FOXP2: variants seen among roughly 807,000 people sequenced by gnomAD.
The protein encoded by FOXP2 is forkhead box protein P2.
Under a neutral mutation model 115.8 loss-of-function variants are expected in FOXP2, and 12 were observed. The observed-to-expected ratio is 0.10, with a 90% CI of 0.07 to 0.17. The LOEUF is 0.17. Ranked by LOEUF, FOXP2 falls within the 10% of genes least tolerant of loss-of-function variation. The pLI, the probability that FOXP2 is intolerant of heterozygous loss-of-function variation, is 1.00. For synonymous variants in FOXP2, 328 were observed against 297.7 expected (o/e 1.10, Z -1.05); for missense variants, 629 against 843.5 (o/e 0.75, Z 3.15).
chr7:114,390,608 C>T (rs1372109220), intron 2 of FOXP2, among the ~76,000 whole-genome samples: 1 of 152,026 alleles, frequency 6.6e-6, no homozygotes, highest in Non-Finnish European at 1.5e-5. Context: ...TGCTGGAATG[C>T]AGTGGCATGA....
At chr7:114,413,450 G>T (rs1255771281), upstream of FOXP2, among the ~76,000 whole-genome samples, 1 of 151,972 alleles carries the variant, frequency 6.6e-6, no homozygotes, top group Non-Finnish European at 1.5e-5. Flanking sequence ...CCTATTGCAT[G>T]AGTTTCCTGT....
chr7:114,571,148 A>G (rs890663865), intron 3 of FOXP2, among the ~76,000 whole-genome samples: 11 of 151,926 alleles, frequency 7.2e-5, no homozygotes, highest in African/African-American at 2.7e-4. Context: ...TAACACCACT[A>G]TACTTTTCTT....
chr7:114,495,668 G>T (rs901127452), intron 2 of FOXP2, among the ~76,000 whole-genome samples: 1 of 151,234 alleles, frequency 6.6e-6, no homozygotes, highest in East Asian at 1.9e-4. Context: ...ACCATGCTCC[G>T]CTATTTTTTT....
chr7:114,170,744 G>C (rs79639168), intron 1 of FOXP2, among the ~76,000 whole-genome samples: 4,173 of 152,290 alleles, frequency 0.027, 111 homozygotes, highest in African/African-American at 0.073. Flanking sequence ...GCTGAGAGAG[G>C]TGAGGAAGAT....
intron 1 of FOXP2, among the ~76,000 whole-genome samples, chr7:114,245,957 G>C (rs920747771): frequency 6.6e-6 from 1 of 152,062 alleles, no homozygotes; most frequent in African/African-American, 2.4e-5. Flanking sequence ...GAGCTATATA[G>C]AAATAGGATA....
At chr7:114,514,704 T>C (rs533529354) in intron 2 of FOXP2, among the ~76,000 whole-genome samples, 1 of 151,492 alleles carries the variant, frequency 6.6e-6, no homozygotes, top group South Asian at 2.1e-4. Context: ...TTTATTTATT[T>C]TTTATATTTT....
At chr7:114,506,053 T>C (rs1303578796) in intron 2 of FOXP2, among the ~76,000 whole-genome samples, 3 of 151,674 alleles carry the variant, frequency 2.0e-5, no homozygotes, top group Admixed American at 6.6e-5. Context: ...AAAAAAAAGC[T>C]AATACCAGTC....
chr7:114,317,629 T>G (rs1227508527), intron 2 of FOXP2, among the ~76,000 whole-genome samples: 2 of 152,192 alleles, frequency 1.3e-5, no homozygotes, highest in Non-Finnish European at 2.9e-5. Context: ...CAGTCTGTTT[T>G]TGTTCAGCAC....
At chr7:114,458,109 CTTTA>C (rs1163814462) in intron 2 of FOXP2, among the ~76,000 whole-genome samples, 4 of 152,154 alleles carry the variant, frequency 2.6e-5, no homozygotes, top group Admixed American at 2.0e-4. Context: ...TCTTTCCAAG[CTTTA>C]TTTAAGTGGC....
intron 2 of FOXP2, among the ~76,000 whole-genome samples, chr7:114,405,695 T>TA (rs1793019538): frequency 6.6e-6 from 1 of 151,874 alleles, no homozygotes; most frequent in South Asian, 2.1e-4. Flanking sequence ...TGTTAAGTGA[T>TA]ATACATGGTT....
chr7:114,349,554 T>C (rs968110616), intron 2 of FOXP2, among the ~76,000 whole-genome samples: 5 of 152,116 alleles, frequency 3.3e-5, no homozygotes, highest in African/African-American at 1.2e-4. Context: ...TTGTATGATA[T>C]TTAAAATATC....
intron 2 of FOXP2, among the ~76,000 whole-genome samples, chr7:114,313,750 A>C (rs1215397898): frequency 6.6e-6 from 1 of 150,796 alleles, no homozygotes; most frequent in African/African-American, 2.4e-5. Context: ...GTCTCAAAAA[A>C]AAAAAAAAAA....
chr7:114,134,498 G>T (rs10247794), intron 1 of FOXP2, among the ~76,000 whole-genome samples: 1 of 151,890 alleles, frequency 6.6e-6, no homozygotes, highest in East Asian at 1.9e-4. Context: ...CGGATCACGA[G>T]GTCAGGAGAT....
At chr7:114,541,327 T>G (rs1799650394) in intron 3 of FOXP2, among the ~76,000 whole-genome samples, 1 of 152,008 alleles carries the variant, frequency 6.6e-6, no homozygotes, top group Non-Finnish European at 1.5e-5. Flanking sequence ...AACATTCACA[T>G]TTTTTTAGAG....
intron 2 of FOXP2, among the ~76,000 whole-genome samples, chr7:114,407,484 G>A (rs1308965008): frequency 6.6e-6 from 1 of 152,012 alleles, no homozygotes; most frequent in Non-Finnish European, 1.5e-5. Context: ...GACTTTTTAA[G>A]TTGTTTACCT....
At chr7:114,501,313 ATTATT>A in intron 2 of FOXP2, among the ~76,000 whole-genome samples, 1 of 152,062 alleles carries the variant, frequency 6.6e-6, no homozygotes, top group East Asian at 1.9e-4. Flanking sequence ...GTTCAATTTT[ATTATT>A]TTTGATACAT....
intron 2 of FOXP2, among the ~76,000 whole-genome samples, chr7:114,382,230 G>A (rs1237824679): frequency 4.6e-5 from 7 of 152,230 alleles, no homozygotes; most frequent in African/African-American, 1.2e-4. Context: ...AGAAGGCCGC[G>A]CCAGTGTCCA....
intron 16 of FOXP2, among the ~76,000 whole-genome samples, chr7:114,672,375 A>T (rs1807534188): frequency 6.6e-6 from 1 of 152,170 alleles, no homozygotes. Flanking sequence ...ACCTGAGGTC[A>T]GGAGTTCAAG....
intron 2 of FOXP2, among the ~76,000 whole-genome samples, chr7:114,404,298 TTTAA>T (rs1487131483): frequency 1.3e-5 from 2 of 152,288 alleles, no homozygotes; most frequent in African/African-American, 2.4e-5. Flanking sequence ...AATTATATGC[TTTAA>T]TTAGTGAAAA....
Sources: allele counts gnomAD v4.1 joint callset (sites outside exome capture counted in the v4.1 genomes callset), GRCh38; gene constraint gnomAD v4.1.1; transcripts MANE v1.5; gene names NCBI Gene and HGNC (gene_info 2026-07-23, HGNC 2026-07-21).